MCPH1: variants seen among roughly 807,000 people sequenced by gnomAD.
MCPH1 encodes microcephalin 1.
In MCPH1, 104 loss-of-function variants were observed where a neutral mutation model predicts 84.5. The observed-to-expected ratio is 1.23, with a 90% CI of 1.05 to 1.45. MCPH1 has a LOEUF of 1.45. MCPH1 is among the 40% of genes most tolerant of loss of function. The pLI, the probability that MCPH1 is intolerant of heterozygous loss-of-function variation, is 0.00. For synonymous variants in MCPH1, 514 were observed against 366.8 expected, an observed-to-expected ratio of 1.40 and a Z score of -4.58; for missense variants, 1,498 against 1,005.7, an observed-to-expected ratio of 1.49 and a Z score of -6.62.
intron 12 of MCPH1, among the ~76,000 whole-genome samples, chr8:6,522,382 C>G (rs986106952): frequency 2.0e-5 from 3 of 150,994 alleles, no homozygotes; most frequent in Non-Finnish European, 3.0e-5. Context: ...AATGTAAACG[C>G]TTAGACTAGC....
intron 11 of MCPH1, among the ~76,000 whole-genome samples, chr8:6,486,559 G>A (rs983317770): frequency 6.6e-6 from 1 of 152,158 alleles, no homozygotes; most frequent in African/African-American, 2.4e-5. Flanking sequence ...TTATAACAAA[G>A]TTCAGTTTGA....
intron 11 of MCPH1, among the ~76,000 whole-genome samples, chr8:6,482,329 AG>A (rs959519701): frequency 6.6e-6 from 1 of 152,252 alleles, no homozygotes; most frequent in Non-Finnish European, 1.5e-5. Context: ...GTGAAGAAGG[AG>A]AAAAAACTGT....
In MCPH1 at chr8:6,455,247, A is replaced by G. The variant is rs201848494; in HGVS notation, c.1930A>G (p.Lys644Glu). 9.0e-5 allele frequency: 145 copies of G among 1,605,544 alleles called. No homozygotes were observed. The highest frequency in any genetic ancestry group is 1.7e-4 in the Middle Eastern group (1 of 6,044). The change falls in exon 9 of 14, where the codon AAA becomes GAA. Residue 644 changes from lysine (K) to glutamate (E), a missense_variant. Lys to Glu is a moderately conservative substitution (Grantham distance 56). Coordinates refer to ENST00000344683, the MANE Select transcript of MCPH1 (RefSeq NM_024596.5). ...HEELKKSGRG[K>E]KPTRTLVMTS... Reference sequence around the variant, plus strand: ...GGAATTGAAGAAAAGTGGGAGAGGCAAAAAGGTCAGTGTGTAAAAATATTA... The same window carrying G: ...GGAATTGAAGAAAAGTGGGAGAGGCGAAAAGGTCAGTGTGTAAAAATATTA...
At chr8:6,605,967 G>C (rs1042183499) in intron 12 of MCPH1, among the ~76,000 whole-genome samples, 1 of 152,166 alleles carries the variant, frequency 6.6e-6, no homozygotes, top group Non-Finnish European at 1.5e-5. Flanking sequence ...AGAATGCTGG[G>C]ATTACAGGCA....
intron 12 of MCPH1, among the ~76,000 whole-genome samples, chr8:6,504,235 G>C (rs967073477): frequency 1.4e-5 from 2 of 146,570 alleles, no homozygotes; most frequent in Non-Finnish European, 1.5e-5. Flanking sequence ...GGAGAATGGC[G>C]TGAACCCGGG....
intron 12 of MCPH1, among the ~76,000 whole-genome samples, chr8:6,509,854 C>T (rs771679141): frequency 9.2e-5 from 14 of 152,158 alleles, no homozygotes; most frequent in Non-Finnish European, 1.5e-4. Flanking sequence ...ACACGGTGCA[C>T]GCAGTGTCTG....
chr8:6,422,661 C>G (rs1429900838), intron 3 of MCPH1, among the ~76,000 whole-genome samples: 2 of 152,158 alleles, frequency 1.3e-5, no homozygotes, highest in Non-Finnish European at 2.9e-5. Flanking sequence ...CCCCATAATA[C>G]TTGTAACTTC....
chr8:6,408,878 G>C (rs1198795430), intron 1 of MCPH1, among the ~76,000 whole-genome samples: 1 of 133,132 alleles, frequency 7.5e-6, no homozygotes, highest in African/African-American at 2.8e-5. Context: ...GTAAATTTTT[G>C]TTTTACTTTT....
chr8:6,559,463 T>C (rs1250654399), intron 12 of MCPH1, among the ~76,000 whole-genome samples: 1 of 152,214 alleles, frequency 6.6e-6, no homozygotes, highest in Non-Finnish European at 1.5e-5. Context: ...AGGATTGCAA[T>C]TCACATTTAC....
chr8:6,584,004 A>AAC (rs1827784859), intron 12 of MCPH1, among the ~76,000 whole-genome samples: 1 of 151,958 alleles, frequency 6.6e-6, no homozygotes, highest in Admixed American at 6.6e-5. Flanking sequence ...CGAAACTCCC[A>AAC]CCAGTCTGAC....
chr8:6,438,946 T>C lies in MCPH1; in HGVS notation c.437-7T>C, dbSNP rs1170053799. On this transcript the variant is annotated splice_polypyrimidine_tract_variant and splice_region_variant and intron_variant, in intron 5 of 13. Coordinates refer to ENST00000344683, the MANE Select transcript of MCPH1 (RefSeq NM_024596.5). ...GGTCTTAAAGTGGATTTTTTGTTTA[T>C]TTTCAGATGATGATGTACCTATTCT... 6.2e-7 allele frequency: 1 copy of C among 1,611,356 alleles called. No homozygotes were observed. Among genetic ancestry groups the C allele is most frequent in the South Asian group, 1.1e-5 (1 of 91,022 alleles).
chr8:6,415,213 C>T lies in MCPH1; in HGVS notation c.233+330C>T, dbSNP rs367961004. On this transcript the variant is annotated intron_variant, in intron 3 of 13. Transcript: ENST00000344683. ...TGTAACAAAGGACCACAGAATGGGT[C>T]GCTTGAGCAACAGAAAAGGACTTTC... Among the ~76,000 whole-genome samples, 98 of 151,856 alleles carry T rather than the reference C, an allele frequency of 6.5e-4. 5 individuals are homozygous for T. In the South Asian group the frequency reaches 0.018, roughly 28 times the overall value.
At chr8:6,590,708 C>A (rs1828390603) in intron 12 of MCPH1, among the ~76,000 whole-genome samples, 1 of 152,188 alleles carries the variant, frequency 6.6e-6, no homozygotes, top group Non-Finnish European at 1.5e-5. Flanking sequence ...CAGTTTATTG[C>A]CATCTGCTAA....
intron 12 of MCPH1, among the ~76,000 whole-genome samples, chr8:6,530,305 C>G (rs1454517730): frequency 6.6e-6 from 1 of 152,046 alleles, no homozygotes; most frequent in Non-Finnish European, 1.5e-5. Context: ...GTCAGGAGTT[C>G]GAGACCAGCC....
At chr8:6,556,519 AC>A (rs11358250) in intron 12 of MCPH1, among the ~76,000 whole-genome samples, 151,398 of 152,264 alleles carry the variant, frequency 0.99, 75,274 homozygotes, top group Middle Eastern at 1. Flanking sequence ...TCATTCATTT[AC>A]CCCTTCTGTG....
At chr8:6,497,209 G>A (rs377737051) in intron 11 of MCPH1, among the ~76,000 whole-genome samples, 13 of 151,910 alleles carry the variant, frequency 8.6e-5, no homozygotes, top group East Asian at 1.9e-4. Context: ...GGCTGGGTGC[G>A]GTGGCTCACA....
At chr8:6,562,954 C>T (rs752640178) in intron 12 of MCPH1, 12 of 1,562,224 alleles carry the variant, frequency 7.7e-6, no homozygotes, top group Non-Finnish European at 1.0e-5. Context: ...AGTAATAAAC[C>T]AGCAGCTTAG....
intron 12 of MCPH1, chr8:6,532,506 A>G (rs2515481): frequency 0.39 from 619,336 of 1,590,536 alleles, 122,868 homozygotes; most frequent in Non-Finnish European, 0.41. Context: ...GAACAGTGTT[A>G]GAAGGCAGTC....
intron 12 of MCPH1, chr8:6,563,472 T>C (rs2129575979): frequency 6.5e-6 from 1 of 152,810 alleles, no homozygotes; most frequent in Non-Finnish European, 1.5e-5. Flanking sequence ...GGGCATTTCC[T>C]AGGCACCACC....
Sources: allele counts gnomAD v4.1 joint callset (sites outside exome capture counted in the v4.1 genomes callset), GRCh38; gene constraint gnomAD v4.1.1; transcripts MANE v1.5; gene names NCBI Gene and HGNC (gene_info 2026-07-23, HGNC 2026-07-21).